Variants in NEBL observed in about 807,000 individuals in gnomAD.
The protein encoded by NEBL is nebulette, also known as LIM and SH3 protein 2.
Under a neutral mutation model 140.2 loss-of-function variants are expected in NEBL, and 122 were observed. That is an observed-to-expected ratio of 0.87 (90% CI 0.75 to 1.01). The LOEUF is 1.01. Ranked by LOEUF, NEBL falls within the 50% of genes least tolerant of loss-of-function variation. The probability of loss-of-function intolerance (pLI) is 0.00; values close to 1 mark genes in which losing one functional copy is unlikely to be tolerated. For missense variants in NEBL, 1,365 were observed against 1,231.3 expected (o/e 1.11, Z -1.62); for synonymous variants, 436 against 398.9 (o/e 1.09, Z -1.11).
At chr10:20,903,266 G>T (rs1847949551) in intron 4 of NEBL, among the ~76,000 whole-genome samples, 1 of 152,146 alleles carries the variant, frequency 6.6e-6, no homozygotes, top group Non-Finnish European at 1.5e-5. Context: ...TGAAAAAAAT[G>T]CTCAATATCA....
chr10:20,932,111 T>G (rs909462535), intron 4 of NEBL, among the ~76,000 whole-genome samples: 1 of 152,144 alleles, frequency 6.6e-6, no homozygotes, highest in Non-Finnish European at 1.5e-5. Flanking sequence ...AGGCAAAACT[T>G]AAATTCATCT....
chr10:20,846,142 T>C (rs560313116), intron 11 of NEBL, among the ~76,000 whole-genome samples: 1 of 152,222 alleles, frequency 6.6e-6, no homozygotes, highest in East Asian at 1.9e-4. Flanking sequence ...AACTACACAT[T>C]TGAAAAATCA....
intron 2 of NEBL, among the ~76,000 whole-genome samples, chr10:21,059,208 C>T (rs1235530389): frequency 1.3e-5 from 2 of 152,218 alleles, no homozygotes; most frequent in East Asian, 3.8e-4. Flanking sequence ...TTGCTCTTAT[C>T]ATGTTGTATG....
intron 2 of NEBL, among the ~76,000 whole-genome samples, chr10:21,083,025 G>A (rs1307851301): frequency 6.6e-6 from 1 of 152,100 alleles, no homozygotes; most frequent in African/African-American, 2.4e-5. Flanking sequence ...GCCTTCCAAA[G>A]TGCTGGGATT....
chr10:21,053,603 A>G (rs975799411), intron 2 of NEBL, among the ~76,000 whole-genome samples: 3 of 152,222 alleles, frequency 2.0e-5, no homozygotes, highest in African/African-American at 4.8e-5. Context: ...GCCTCATCCA[A>G]TGTTCCCTTA....
At chr10:21,136,716 C>T (rs960329596) in intron 2 of NEBL, among the ~76,000 whole-genome samples, 1 of 152,196 alleles carries the variant, frequency 6.6e-6, no homozygotes, top group Non-Finnish European at 1.5e-5. Flanking sequence ...TCTAAAGGGT[C>T]TCCATGTTCC....
At chr10:21,189,004 T>A (rs1483618852) in intron 3 of NEBL, among the ~76,000 whole-genome samples, 1 of 152,184 alleles carries the variant, frequency 6.6e-6, no homozygotes, top group Non-Finnish European at 1.5e-5. Flanking sequence ...GAAGATTTTT[T>A]AAATAAAAAT....
chr10:21,177,319 T>C (rs1792362268), upstream of NEBL, among the ~76,000 whole-genome samples: 1 of 152,222 alleles, frequency 6.6e-6, no homozygotes. Flanking sequence ...GGCTGAATCA[T>C]GCCCAACAGA....
chr10:20,953,506 ATTTT>A (rs146415247), intron 4 of NEBL, among the ~76,000 whole-genome samples: 11,073 of 119,852 alleles, frequency 0.092, 314 homozygotes, highest in Admixed American at 0.12. Context: ...ACAAGCCCTA[ATTTT>A]TTTTTTTTTT....
intron 4 of NEBL, among the ~76,000 whole-genome samples, chr10:20,936,983 G>T (rs1252406701): frequency 1.3e-5 from 2 of 152,126 alleles, no homozygotes; most frequent in African/African-American, 4.8e-5. Context: ...GCATTTCAAA[G>T]CAAAACATTT....
chr10:21,048,841 C>CA (rs1222827287), intron 2 of NEBL, among the ~76,000 whole-genome samples: 3 of 151,908 alleles, frequency 2.0e-5, no homozygotes, highest in African/African-American at 7.3e-5. Flanking sequence ...ACTAAAAATA[C>CA]AAAAAATAAA....
At chr10:21,088,542 T>C (rs1322055052) in intron 2 of NEBL, among the ~76,000 whole-genome samples, 1 of 152,144 alleles carries the variant, frequency 6.6e-6, no homozygotes, top group Non-Finnish European at 1.5e-5. Context: ...TGACCTTCTT[T>C]CAATGGCCAA....
chr10:20,973,094 T>G (rs2131641511), intron 3 of NEBL, among the ~76,000 whole-genome samples: 1 of 152,266 alleles, frequency 6.6e-6, no homozygotes, highest in Admixed American at 6.5e-5. Context: ...CAGTGTCAGT[T>G]GTAAGAAATG....
chr10:20,951,673 GC>G (rs1212435583), intron 4 of NEBL, among the ~76,000 whole-genome samples: 5 of 152,066 alleles, frequency 3.3e-5, no homozygotes, highest in African/African-American at 1.2e-4. Context: ...TTTTAAACCT[GC>G]CTCTAAAACT....
intron 3 of NEBL, among the ~76,000 whole-genome samples, chr10:21,223,247 A>T (rs1842098946): frequency 6.6e-6 from 1 of 152,090 alleles, no homozygotes; most frequent in Non-Finnish European, 1.5e-5. Context: ...TTCTATCTCC[A>T]TGAGTTTAAT....
At chr10:21,010,421 T>C (rs540930772) in intron 3 of NEBL, among the ~76,000 whole-genome samples, 2,026 of 105,968 alleles carry the variant, frequency 0.019, 47 homozygotes, top group African/African-American at 0.091. Context: ...ATTTTTTAAT[T>C]TTTTTTTTTT....
At chr10:20,796,230 G>A (rs1255024123) in intron 26 of NEBL, among the ~76,000 whole-genome samples, 1 of 151,836 alleles carries the variant, frequency 6.6e-6, no homozygotes, top group Admixed American at 6.6e-5. Flanking sequence ...GGGCGTAGTG[G>A]TGGGCGCCCG....
At chr10:20,817,785 T>G in intron 20 of NEBL, 93 bp from the exon 21 acceptor site, 1 of 1,044,640 alleles carries the variant, frequency 9.6e-7, no homozygotes, top group African/African-American at 1.6e-5. Flanking sequence ...ACCATCTTTT[T>G]ACACATTTTT....
At chr10:21,189,593 T>C (rs1159444273) in intron 3 of NEBL, among the ~76,000 whole-genome samples, 1 of 152,100 alleles carries the variant, frequency 6.6e-6, no homozygotes, top group Non-Finnish European at 1.5e-5. Flanking sequence ...GCCTCCCGAG[T>C]AGCTGGGACT....
Sources: allele counts gnomAD v4.1 joint callset (sites outside exome capture counted in the v4.1 genomes callset), GRCh38; gene constraint gnomAD v4.1.1; transcripts MANE v1.5; gene names NCBI Gene and HGNC (gene_info 2026-07-23, HGNC 2026-07-21).